The following ROBO1 variants were observed in gnomAD, a reference collection of about 807,000 sequenced individuals.
ROBO1 encodes the protein roundabout homolog 1.
A neutral mutation model predicts 195.9 loss-of-function variants in ROBO1; 149 were observed. The observed-to-expected ratio is 0.76, with a 90% confidence interval of 0.67 to 0.87. ROBO1 has a LOEUF of 0.87. ROBO1 is among the 40% of genes least tolerant of loss of function. The pLI is 0.00. For missense variants in ROBO1, 1,933 were observed against 2,068.3 expected, an observed-to-expected ratio of 0.93 and a Z score of 1.27; for synonymous variants, 816 against 733.2, an observed-to-expected ratio of 1.11 and a Z score of -1.82.
At chr3:79,748,907 AACAGACTAAT>A (rs1191066793) in intron 1 of ROBO1, among the ~76,000 whole-genome samples, 5 of 152,190 alleles carry the variant, frequency 3.3e-5, no homozygotes, top group Non-Finnish European at 7.3e-5. Flanking sequence ...GCAGCATAAA[AACAGACTAAT>A]ACAGTAAATG....
chr3:79,101,755 A>C (rs940380819), intron 3 of ROBO1, among the ~76,000 whole-genome samples: 1 of 151,964 alleles, frequency 6.6e-6, no homozygotes, highest in Non-Finnish European at 1.5e-5. Flanking sequence ...AAGGCTGTAC[A>C]AATACAAAAA....
chr3:78,604,970 G>C (rs1703382199), intron 29 of ROBO1, among the ~76,000 whole-genome samples: 1 of 151,830 alleles, frequency 6.6e-6, no homozygotes, highest in Non-Finnish European at 1.5e-5. Flanking sequence ...CACTGATTTG[G>C]CCTTTCTGTC....
intron 2 of ROBO1, among the ~76,000 whole-genome samples, chr3:79,372,065 C>G (rs1428135558): frequency 6.6e-6 from 1 of 152,108 alleles, no homozygotes; most frequent in Non-Finnish European, 1.5e-5. Flanking sequence ...GCTGATCTGA[C>G]AGGAGGCAGA....
At chr3:79,337,512 T>G (rs2034728785) in intron 2 of ROBO1, among the ~76,000 whole-genome samples, 1 of 152,148 alleles carries the variant, frequency 6.6e-6, no homozygotes, top group Non-Finnish European at 1.5e-5. Flanking sequence ...CCTTCTGCAA[T>G]GATTGTAAGT....
At chr3:79,244,417 C>G (rs1196613712) in intron 2 of ROBO1, among the ~76,000 whole-genome samples, 2 of 152,068 alleles carry the variant, frequency 1.3e-5, no homozygotes, top group Non-Finnish European at 1.5e-5. Context: ...CATCTTTAAG[C>G]TCAGTCTTAA....
At chr3:79,452,068 A>G (rs2039459340) in intron 2 of ROBO1, among the ~76,000 whole-genome samples, 1 of 151,250 alleles carries the variant, frequency 6.6e-6, no homozygotes, top group Admixed American at 6.6e-5. Flanking sequence ...GCTTTATCTC[A>G]TTTTCAGGAA....
chr3:79,488,787 G>A (rs1014333384), intron 2 of ROBO1, among the ~76,000 whole-genome samples: 15 of 152,140 alleles, frequency 9.9e-5, no homozygotes, highest in East Asian at 3.9e-4. Context: ...CTGGCGCCAT[G>A]TACTTTGGAC....
intron 2 of ROBO1, among the ~76,000 whole-genome samples, chr3:79,268,207 T>C (rs954005271): frequency 2.0e-5 from 3 of 151,660 alleles, no homozygotes; most frequent in African/African-American, 7.2e-5. Flanking sequence ...TAAAAAATAC[T>C]GCATCATGCT....
At chr3:79,163,763 C>T (rs2081014858) in intron 2 of ROBO1, among the ~76,000 whole-genome samples, 1 of 151,960 alleles carries the variant, frequency 6.6e-6, no homozygotes, top group Non-Finnish European at 1.5e-5. Context: ...GAGGCTTTTA[C>T]TCATCTTGAA....
At chr3:78,844,320 G>A (rs1158766369) in intron 4 of ROBO1, among the ~76,000 whole-genome samples, 1 of 152,044 alleles carries the variant, frequency 6.6e-6, no homozygotes. Flanking sequence ...AGATTTTTCT[G>A]ACCTTTACCT....
At chr3:79,371,426 A>G (rs993113765) in intron 2 of ROBO1, among the ~76,000 whole-genome samples, 2 of 152,218 alleles carry the variant, frequency 1.3e-5, no homozygotes, top group African/African-American at 4.8e-5. Context: ...GGTAAAAGAA[A>G]TGAAGGTAAT....
chr3:79,604,780 G>C (rs1049597148), intron 1 of ROBO1, among the ~76,000 whole-genome samples: 1 of 151,862 alleles, frequency 6.6e-6, no homozygotes, highest in African/African-American at 2.4e-5. Context: ...TCAATACAAA[G>C]AGTTATTTTT....
intron 2 of ROBO1, among the ~76,000 whole-genome samples, chr3:79,221,386 G>A (rs2082135923): frequency 6.6e-6 from 1 of 152,072 alleles, no homozygotes; most frequent in Non-Finnish European, 1.5e-5. Flanking sequence ...CTGATGAGAA[G>A]CAGACCCAAT....
Position 78,721,958 on chromosome 3 carries a change from T to C in ROBO1, c.658-4075A>G, listed in dbSNP as rs373340460. ...GAGTAATGAGGGCACTGCCAGGAGA[T>C]TCACAGACATGAAAAAATTCCAATT... is the stretch of plus-strand genomic sequence containing the variant. On this transcript the variant is annotated intron_variant, in intron 5 of 30. Transcript: ENST00000464233. 2.2e-4 allele frequency among the ~76,000 whole-genome samples: 33 copies of C among 152,072 alleles called. No individual in the cohort carries two copies. The East Asian group carries it at 5.4e-3, about 25-fold the overall frequency.
chr3:79,714,039 T>C (rs1165543336), intron 1 of ROBO1, among the ~76,000 whole-genome samples: 2 of 152,054 alleles, frequency 1.3e-5, no homozygotes, highest in African/African-American at 4.8e-5. Context: ...ATGCCTCCAG[T>C]TTGTTCTTTT....
intron 2 of ROBO1, among the ~76,000 whole-genome samples, chr3:79,362,490 C>A (rs1354164721): frequency 1.3e-5 from 2 of 152,050 alleles, no homozygotes; most frequent in African/African-American, 4.8e-5. Flanking sequence ...CACTGTAGAA[C>A]CTAAATAATA....
intron 2 of ROBO1, among the ~76,000 whole-genome samples, chr3:79,192,863 A>G (rs2081564508): frequency 6.6e-6 from 1 of 151,602 alleles, no homozygotes; most frequent in Non-Finnish European, 1.5e-5. Flanking sequence ...GAGGGGAAGG[A>G]TTTTTGGGGT....
intron 2 of ROBO1, among the ~76,000 whole-genome samples, chr3:79,188,989 C>A (rs1254901711): frequency 6.6e-6 from 1 of 151,618 alleles, no homozygotes; most frequent in Admixed American, 6.6e-5. Context: ...TGAGAAGATG[C>A]CTTCTGTGAA....
intron 1 of ROBO1, among the ~76,000 whole-genome samples, chr3:79,633,608 T>A (rs950634016): frequency 1.3e-5 from 2 of 152,052 alleles, no homozygotes; most frequent in Non-Finnish European, 2.9e-5. Context: ...TAGAGTGACA[T>A]CTAGTGCAAA....
Sources: gnomAD v4.1 joint callset for allele counts (sites outside exome capture counted in the v4.1 genomes callset) on GRCh38, gnomAD v4.1.1 for gene constraint, MANE v1.5 for transcripts, NCBI Gene and HGNC (gene_info 2026-07-23, HGNC 2026-07-21) for gene names.